SUPT3H: variants seen among roughly 807,000 people sequenced by gnomAD.
SUPT3H encodes SPT3 homolog, SAGA and STAGA complex component, also known as transcription initiation protein SPT3 homolog.
A neutral mutation model predicts 44.3 loss-of-function variants in SUPT3H; 44 were observed. That is an observed-to-expected ratio of 0.99 (90% CI 0.78 to 1.28). The LOEUF is 1.28. Among genes scored for constraint, SUPT3H ranks in the 50% most tolerant of loss-of-function variants. The pLI, the probability that SUPT3H is intolerant of heterozygous loss-of-function variation, is 0.00. For missense variants in SUPT3H, 380 were observed against 387.1 expected (o/e 0.98, Z 0.15); for synonymous variants, 124 against 125.6 (o/e 0.99, Z 0.09).
intron 2 of SUPT3H, among the ~76,000 whole-genome samples, chr6:45,169,774 G>A (rs762878226): frequency 1.3e-5 from 2 of 152,122 alleles, no homozygotes; most frequent in African/African-American, 4.8e-5. Flanking sequence ...AGGCAGAACA[G>A]TAATATGTTT....
intron 2 of SUPT3H, among the ~76,000 whole-genome samples, chr6:45,332,461 A>C (rs1454700677): frequency 6.6e-6 from 1 of 151,844 alleles, no homozygotes; most frequent in Non-Finnish European, 1.5e-5. Flanking sequence ...TGCATACTTG[A>C]AAATTGACGG....
intron 3 of SUPT3H, among the ~76,000 whole-genome samples, chr6:45,059,367 G>A (rs1320605695): frequency 6.6e-6 from 1 of 152,032 alleles, no homozygotes; most frequent in Non-Finnish European, 1.5e-5. Context: ...TGCAGAAAAG[G>A]CCTTTGATAA....
intron 6 of SUPT3H, among the ~76,000 whole-genome samples, chr6:44,998,722 TTTC>T (rs560699865): frequency 1.3e-5 from 2 of 151,966 alleles, no homozygotes; most frequent in African/African-American, 2.4e-5. Flanking sequence ...TTGCAAAGAA[TTTC>T]TTAAGTTGAT....
intron 10 of SUPT3H, among the ~76,000 whole-genome samples, chr6:44,851,668 C>G (rs1416278194): frequency 6.6e-6 from 1 of 152,066 alleles, no homozygotes; most frequent in Non-Finnish European, 1.5e-5. Context: ...TTCCTTAAAA[C>G]AAAAATGTGA....
chr6:45,294,830 G>A (rs983013927), intron 2 of SUPT3H, among the ~76,000 whole-genome samples: 3 of 143,280 alleles, frequency 2.1e-5, no homozygotes, highest in Non-Finnish European at 4.5e-5. Flanking sequence ...AAACACTGCT[G>A]AAAGAAATCC....
chr6:45,055,798 T>C (rs1355238750), intron 3 of SUPT3H, among the ~76,000 whole-genome samples: 6 of 151,768 alleles, frequency 4.0e-5, no homozygotes, highest in African/African-American at 1.2e-4. Flanking sequence ...CAAAAGCAAA[T>C]GCAACAAAAA....
intron 2 of SUPT3H, among the ~76,000 whole-genome samples, chr6:45,309,082 A>T (rs1052575958): frequency 9.9e-5 from 15 of 151,706 alleles, no homozygotes; most frequent in African/African-American, 3.4e-4. Context: ...TTTTGAATAA[A>T]AAGAAAAATA....
At chr6:45,042,987 A>C (rs924210229) in intron 3 of SUPT3H, among the ~76,000 whole-genome samples, 1 of 152,174 alleles carries the variant, frequency 6.6e-6, no homozygotes, top group Admixed American at 6.6e-5. Flanking sequence ...TTTTGTTCAA[A>C]GAAGGATTTT....
chr6:45,130,342 T>C (rs1803237816), intron 2 of SUPT3H, among the ~76,000 whole-genome samples: 1 of 152,202 alleles, frequency 6.6e-6, no homozygotes, highest in Non-Finnish European at 1.5e-5. Flanking sequence ...TGTTGTAACA[T>C]GTTATCACTA....
intron 10 of SUPT3H, among the ~76,000 whole-genome samples, chr6:44,876,913 A>T (rs941695998): frequency 6.6e-6 from 1 of 151,990 alleles, no homozygotes; most frequent in Non-Finnish European, 1.5e-5. Flanking sequence ...AAAAAACTGA[A>T]CATTAGTTAA....
chr6:45,327,204 ACT>A (rs1243241916), intron 2 of SUPT3H, among the ~76,000 whole-genome samples: 1 of 151,784 alleles, frequency 6.6e-6, no homozygotes, highest in East Asian at 1.9e-4. Context: ...CGACTAACAT[ACT>A]CTGTCTGTGG....
At chr6:44,925,155 G>A (rs1769333823) in intron 10 of SUPT3H, among the ~76,000 whole-genome samples, 1 of 152,060 alleles carries the variant, frequency 6.6e-6, no homozygotes, top group Non-Finnish European at 1.5e-5. Context: ...AACATCTCTA[G>A]TACCCTCTAA....
At chr6:44,952,603 T>A (rs1774478584) in intron 9 of SUPT3H, among the ~76,000 whole-genome samples, 1 of 152,222 alleles carries the variant, frequency 6.6e-6, no homozygotes, top group Non-Finnish European at 1.5e-5. Context: ...TTCGATTGAA[T>A]TACGTGAAAC....
Position 44,826,823 on chromosome 6 carries a change from A to G in SUPT3H, c.*2993T>C, listed in dbSNP as rs1767801246. ...GTTTATTATTTTATAAAAACAAAGA[A>G]CAGCAATAAATGAAGGGTTCTCCCC... On this transcript the variant is annotated 3_prime_UTR_variant, in exon 11 of 11. Coordinates refer to ENST00000371459, the MANE Select transcript of SUPT3H (RefSeq NM_003599.4). 6.6e-6 allele frequency among the ~76,000 whole-genome samples: 1 copy of G among 152,246 alleles called. No individual in the cohort carries two copies.
intron 6 of SUPT3H, among the ~76,000 whole-genome samples, chr6:44,972,956 C>A (rs1336154524): frequency 1.3e-5 from 2 of 152,190 alleles, no homozygotes; most frequent in Admixed American, 1.3e-4. Flanking sequence ...CCGTGAAGAC[C>A]TCTGACATGC....
Position 45,272,543 on chromosome 6 carries a change from T to C in SUPT3H, c.101+92658A>G, listed in dbSNP as rs139528105. Among the ~76,000 whole-genome samples, 7 of 152,280 alleles carry C rather than the reference T, an allele frequency of 4.6e-5. No individual in the cohort carries two copies. The East Asian group carries it at 1.4e-3, about 29-fold the overall frequency. On this transcript the variant is annotated intron_variant, in intron 2 of 10. Transcript: ENST00000371459. Reference sequence around the variant, plus strand: ...TTGTCCAGTCTCGGATATATCTTTATCAACAGCGTGAAAATGGGCTAATAC... The same window carrying C: ...TTGTCCAGTCTCGGATATATCTTTACCAACAGCGTGAAAATGGGCTAATAC...
chr6:44,864,769 C>T (rs1775223767), intron 10 of SUPT3H, among the ~76,000 whole-genome samples: 1 of 152,198 alleles, frequency 6.6e-6, no homozygotes, highest in African/African-American at 2.4e-5. Context: ...CTCTTTTCTC[C>T]TAGGCCTCCG....
At chr6:45,250,969 A>T (rs1772270950) in intron 2 of SUPT3H, 1 of 151,772 alleles carries the variant, frequency 6.6e-6, no homozygotes, top group South Asian at 2.1e-4. Flanking sequence ...CACACCAGCT[A>T]TTTTTATTTT....
chr6:44,828,839 A>T lies in SUPT3H; in HGVS notation c.*977T>A, dbSNP rs1265678899. On this transcript the variant is annotated 3_prime_UTR_variant, in exon 11 of 11. Coordinates refer to ENST00000371459, the MANE Select transcript of SUPT3H (RefSeq NM_003599.4). ...TACAAAACTCCCACAGAATTAAAGAAATAACTTTCTTTTTTGCAACTGAAG... is the reference window on the plus strand; with the variant it reads ...TACAAAACTCCCACAGAATTAAAGATATAACTTTCTTTTTTGCAACTGAAG... The T allele has an allele frequency of 1.3e-5, 2 of 152,680 alleles. No individual in the cohort carries two copies. Among genetic ancestry groups the T allele is most frequent in the African/African-American group, 4.8e-5 (2 of 41,470 alleles). The allele number at this position is 152,680 out of a possible 1,614,324, so 9.5% of individuals were successfully genotyped here. A position where few individuals can be genotyped will look rare whatever the true frequency, so the allele number is the denominator to read the frequency against.
Sources: gnomAD v4.1 joint callset for allele counts (sites outside exome capture counted in the v4.1 genomes callset) on GRCh38, gnomAD v4.1.1 for gene constraint, MANE v1.5 for transcripts, NCBI Gene and HGNC (gene_info 2026-07-23, HGNC 2026-07-21) for gene names.